HMBOX1: variants seen among roughly 807,000 people sequenced by gnomAD.
HMBOX1 encodes homeobox containing 1.
A neutral mutation model predicts 54.5 loss-of-function variants in HMBOX1; 14 were observed. The observed-to-expected ratio is 0.26, with a 90% CI of 0.17 to 0.40. HMBOX1 has a LOEUF of 0.40. Ranked by LOEUF, HMBOX1 falls within the 10% of genes least tolerant of loss-of-function variation. The pLI is 1.00. For synonymous variants in HMBOX1, 160 were observed against 181.0 expected (o/e 0.88, Z 0.93); for missense variants, 332 against 514.4 (o/e 0.65, Z 3.43).
At chr8:28,952,309 C>T (rs1174680178) in intron 1 of HMBOX1, among the ~76,000 whole-genome samples, 1 of 152,142 alleles carries the variant, frequency 6.6e-6, no homozygotes, top group Non-Finnish European at 1.5e-5. Context: ...TCTTGACTCA[C>T]TGCAGCCACC....
intron 6 of HMBOX1, among the ~76,000 whole-genome samples, chr8:29,037,451 T>A (rs950193432): frequency 5.3e-5 from 8 of 152,184 alleles, no homozygotes; most frequent in Non-Finnish European, 1.0e-4. Flanking sequence ...ACGTGCTTAA[T>A]ATATAAAATT....
At chr8:28,933,911 T>C (rs910971131) in intron 1 of HMBOX1, among the ~76,000 whole-genome samples, 2 of 152,216 alleles carry the variant, frequency 1.3e-5, no homozygotes, top group African/African-American at 4.8e-5. Flanking sequence ...AAATAATGAA[T>C]GCCAATTTCA....
intron 3 of HMBOX1, among the ~76,000 whole-genome samples, chr8:28,976,452 C>G (rs1451033238): frequency 6.6e-6 from 1 of 152,100 alleles, no homozygotes; most frequent in Non-Finnish European, 1.5e-5. Context: ...GTGGCGCAAT[C>G]TTGGCTCACT....
rs75397772 is a variant in HMBOX1, at chr8:28,965,592, G to T, written c.23+1702G>T. Among the ~76,000 whole-genome samples, 500 of 152,244 alleles carry T rather than the reference G, an allele frequency of 3.3e-3. 3 individuals are homozygous for T. The highest frequency in any genetic ancestry group is 0.011 in the African/African-American group (474 of 41,552). Reference sequence around the variant, plus strand: ...TGTACCTTTACATGAGCAGTTCTTGGGAGAGGCTGGCTTGACCACCATAGC... The same window carrying T: ...TGTACCTTTACATGAGCAGTTCTTGTGAGAGGCTGGCTTGACCACCATAGC... On this transcript the variant is annotated intron_variant, in intron 2 of 9. Transcript: ENST00000287701.
At chr8:28,990,169 T>A (rs1830776209) in intron 4 of HMBOX1, among the ~76,000 whole-genome samples, 1 of 152,188 alleles carries the variant, frequency 6.6e-6, no homozygotes, top group African/African-American at 2.4e-5. Flanking sequence ...ATGTGTCTTC[T>A]TTCTTTCTTC....
chr8:29,000,862 A>G (rs1327975556), intron 4 of HMBOX1, among the ~76,000 whole-genome samples: 1 of 152,218 alleles, frequency 6.6e-6, no homozygotes, highest in Non-Finnish European at 1.5e-5. Context: ...CCAAGTTAAA[A>G]TGTCACATGC....
chr8:28,904,140 C>G (rs997481525), intron 1 of HMBOX1, among the ~76,000 whole-genome samples: 4 of 152,052 alleles, frequency 2.6e-5, no homozygotes, highest in Non-Finnish European at 5.9e-5. Flanking sequence ...ATAAACCATA[C>G]CCATAATGTA....
At chr8:28,933,360 A>C (rs1048043573) in intron 1 of HMBOX1, among the ~76,000 whole-genome samples, 3 of 152,192 alleles carry the variant, frequency 2.0e-5, no homozygotes, top group Admixed American at 6.5e-5. Flanking sequence ...CTGTCAACTA[A>C]ATAGACTGCC....
chr8:29,045,423 A>G lies in HMBOX1; in HGVS notation c.914A>G (p.Asn305Ser), dbSNP rs1401466945. The change falls in exon 7 of 10, where the codon AAT becomes AGT. Residue 305 changes from asparagine to serine, a missense_variant. Physicochemically the swap from Asn to Ser is conservative, Grantham distance 46 (BLOSUM62 1). Coordinates refer to ENST00000287701, the MANE Select transcript of HMBOX1 (RefSeq NM_001135726.3). The part of the protein sequence containing the change: ...AKREEIANAC[N>S]AVIQKPGKKL... ...AGGGAAGAAATTGCAAACGCTTGCA[A>G]TGCAGTTATACAGAAGCCAGGTAAG... is the stretch of plus-strand genomic sequence containing the variant. 2 of 1,614,134 alleles carry G rather than the reference A, an allele frequency of 1.2e-6. No individual in the cohort carries two copies. Among genetic ancestry groups the G allele is most frequent in the Non-Finnish European group, 1.7e-6 (2 of 1,179,944 alleles).
intron 1 of HMBOX1, among the ~76,000 whole-genome samples, chr8:28,918,078 C>G (rs1303155666): frequency 6.6e-6 from 1 of 152,172 alleles, no homozygotes; most frequent in Non-Finnish European, 1.5e-5. Context: ...GCCATTATTT[C>G]TTCATTGAAT....
chr8:28,924,450 ATT>A lies in HMBOX1; in HGVS notation c.-58+33790_-58+33791del, dbSNP rs201997388. Among the ~76,000 whole-genome samples the A allele has an allele frequency of 2.6e-3, 327 of 127,792 alleles. 2 individuals are homozygous for A. Among genetic ancestry groups the A allele is most frequent in the African/African-American group, 5.6e-3 (191 of 34,074 alleles). The allele number at this position is 127,792 out of a possible 152,430, so 83.8% of individuals were successfully genotyped here. A position where few individuals can be genotyped will look rare whatever the true frequency, so the allele number is the denominator to read the frequency against. On this transcript the variant is annotated intron_variant, in intron 1 of 9. Transcript: ENST00000287701. ...ATTTTGATGAAATACAATTTATCTA[ATT>A]TTTTTTTTTTTTTTTTTGGTTACCT... is the stretch of plus-strand genomic sequence containing the variant.
intron 4 of HMBOX1, among the ~76,000 whole-genome samples, chr8:28,991,458 T>C (rs1039028304): frequency 6.6e-6 from 1 of 152,214 alleles, no homozygotes; most frequent in Non-Finnish European, 1.5e-5. Flanking sequence ...TTTTAAAATA[T>C]TGAGTGGCCT....
At chr8:29,021,725 T>C (rs1801197709) in intron 6 of HMBOX1, among the ~76,000 whole-genome samples, 2 of 151,430 alleles carry the variant, frequency 1.3e-5, no homozygotes, top group Admixed American at 6.6e-5. Context: ...CCGGGCGTGG[T>C]GGCGGGCACC....
upstream of HMBOX1, chr8:28,890,147 C>G (rs1043364776): frequency 1.9e-6 from 1 of 515,798 alleles, no homozygotes; most frequent in Non-Finnish European, 3.5e-6. Flanking sequence ...AATGCATCCT[C>G]CCTCTCCACC....
intron 1 of HMBOX1, among the ~76,000 whole-genome samples, chr8:28,916,367 C>G (rs967412992): frequency 6.6e-6 from 1 of 152,112 alleles, no homozygotes; most frequent in African/African-American, 2.4e-5. Context: ...GGGATATAAC[C>G]CAGGATCACA....
intron 1 of HMBOX1, among the ~76,000 whole-genome samples, chr8:28,898,173 C>G (rs532017325): frequency 1.4e-4 from 21 of 152,056 alleles, no homozygotes; most frequent in Non-Finnish European, 2.2e-4. Flanking sequence ...AAAGGTAGAT[C>G]ACCTGATTTT....
chr8:29,009,122 C>T lies in HMBOX1; in HGVS notation c.637C>T (p.Leu213=), dbSNP rs1440318778. The part of the protein sequence containing the change: ...SHWLLQQGSD[L]SEQKKRAFYR... The stretch of plus-strand genomic sequence containing the variant: ...TTGGCTGTTGCAGCAGGGATCAGAC[C>T]TGAGTGAACAGAAGAAAAGAGCATT... Residue 213 remains leucine, a synonymous_variant, in exon 5 of 10, where the codon CTG becomes TTG. Coordinates refer to ENST00000287701, the MANE Select transcript of HMBOX1 (RefSeq NM_001135726.3). 1 of 1,613,628 alleles carries T rather than the reference C, an allele frequency of 6.2e-7. No individual in the cohort carries two copies.
At chr8:28,985,367 C>T (rs1363266998) in intron 4 of HMBOX1, among the ~76,000 whole-genome samples, 1 of 152,156 alleles carries the variant, frequency 6.6e-6, no homozygotes, top group Admixed American at 6.5e-5. Context: ...ACTCACATCA[C>T]CTAATCACCT....
intron 1 of HMBOX1, among the ~76,000 whole-genome samples, chr8:28,919,971 T>TTGTGTGTGTG (rs5890431): frequency 4.0e-5 from 6 of 148,884 alleles, no homozygotes; most frequent in South Asian, 2.1e-4. Context: ...AAGTGAAGTT[T>TTGTGTGTGTG]TGTGTGTGTG....
Sources: allele counts gnomAD v4.1 joint callset (sites outside exome capture counted in the v4.1 genomes callset), GRCh38; gene constraint gnomAD v4.1.1; transcripts MANE v1.5; gene names NCBI Gene and HGNC (gene_info 2026-07-23, HGNC 2026-07-21).